Variants in CACNA1B observed in about 807,000 individuals in gnomAD.
The protein encoded by CACNA1B is calcium voltage-gated channel subunit alpha1 B.
Under a neutral mutation model 247.2 loss-of-function variants are expected in CACNA1B, and 70 were observed. The observed-to-expected ratio is 0.28, with a 90% CI of 0.23 to 0.35. CACNA1B has a LOEUF of 0.35. Ranked by LOEUF, CACNA1B falls within the 10% of genes least tolerant of loss-of-function variation. CACNA1B has a pLI of 1.00. For missense variants in CACNA1B, 2,367 were observed against 3,197.4 expected (o/e 0.74, Z 6.26); for synonymous variants, 1,231 against 1,294.4 (o/e 0.95, Z 1.05).
chr9:138,122,364 G>T lies in CACNA1B; in HGVS notation c.*365G>T, dbSNP rs919503888. ...CGTTGTGAGGAGCTCTGCGTCCTGTGGGGAGCACCCTTCACGTGGCCGTGC... is the reference window on the plus strand; with the variant it reads ...CGTTGTGAGGAGCTCTGCGTCCTGTTGGGAGCACCCTTCACGTGGCCGTGC... On this transcript the variant is annotated 3_prime_UTR_variant, in exon 47 of 47. Coordinates refer to ENST00000371372, the MANE Select transcript of CACNA1B (RefSeq NM_000718.4). The T allele has an allele frequency of 3.6e-6, 1 of 276,718 alleles. No individual in the cohort carries two copies. Among genetic ancestry groups the T allele is most frequent in the Non-Finnish European group, 6.8e-6 (1 of 146,110 alleles). The allele number at this position is 276,718 out of a possible 1,614,324, so 17.1% of individuals were successfully genotyped here. A position where few individuals can be genotyped will look rare whatever the true frequency, so the allele number is the denominator to read the frequency against.
intron 15 of CACNA1B, among the ~76,000 whole-genome samples, chr9:138,000,943 A>G (rs185738384): frequency 4.9e-4 from 75 of 152,274 alleles, no homozygotes; most frequent in African/African-American, 1.7e-3. Flanking sequence ...CAGTCTTGCT[A>G]TACAATTATC....
chr9:138,010,192 C>G lies in CACNA1B; in HGVS notation c.2160+115C>G. The G allele has an allele frequency of 1.3e-6, 1 of 756,880 alleles. No homozygotes were observed. Among genetic ancestry groups the G allele is most frequent in the Non-Finnish European group, 2.3e-6 (1 of 442,744 alleles). 46.9% of individuals were successfully genotyped at this position (756,880 alleles called of 1,614,324 possible). A position where few individuals can be genotyped will look rare whatever the true frequency, so the allele number is the denominator to read the frequency against. On this transcript the variant is annotated intron_variant, in intron 17 of 46. Coordinates refer to ENST00000371372, the MANE Select transcript of CACNA1B (RefSeq NM_000718.4). This position sits in a 1 kb window ranked among gnomAD's most constrained non-coding sequence, Gnocchi z 5.3. ...CGTGTCCAGGAGCGTTGCCTTGGGT[C>G]CTGGCGGGCAGAGGCTGGTCTGTCA...
Position 138,122,931 on chromosome 9 carries a change from AGC to A in CACNA1B, c.*933_*934del, listed in dbSNP as rs1242356532. 1 of 152,288 alleles carries A rather than the reference AGC, an allele frequency of 6.6e-6. No homozygotes were observed. The allele number at this position is 152,288 out of a possible 1,614,324, so 9.4% of individuals were successfully genotyped here. A position where few individuals can be genotyped will look rare whatever the true frequency, so the allele number is the denominator to read the frequency against. On this transcript the variant is annotated 3_prime_UTR_variant, in exon 47 of 47. Transcript: ENST00000371372. ...AAAGTACTCGCGATGGCAGCCAGGTAGCAAGCCCTTGCCAGTGGAGAGCACTG... is the reference window on the plus strand; with the variant it reads ...AAAGTACTCGCGATGGCAGCCAGGTAAAGCCCTTGCCAGTGGAGAGCACTG...
intron 12 of CACNA1B, among the ~76,000 whole-genome samples, chr9:137,976,290 G>C (rs1185950542): frequency 6.6e-6 from 1 of 152,258 alleles, no homozygotes; most frequent in African/African-American, 2.4e-5. Flanking sequence ...TTCATAATCA[G>C]CTGAAGGCTC....
intron 15 of CACNA1B, among the ~76,000 whole-genome samples, chr9:137,987,366 C>T (rs1178735170): frequency 6.6e-6 from 1 of 152,214 alleles, no homozygotes; most frequent in Non-Finnish European, 1.5e-5. Context: ...AGACTCTGCC[C>T]TCTTGGAGGG....
At chr9:138,003,173 C>G (rs1290981629) in intron 15 of CACNA1B, among the ~76,000 whole-genome samples, 3 of 148,154 alleles carry the variant, frequency 2.0e-5, no homozygotes, top group Admixed American at 6.7e-5. Flanking sequence ...GAGCAAGACC[C>G]CATCTCCAAA....
At chr9:137,879,969 G>C (rs1956894333) in intron 2 of CACNA1B, among the ~76,000 whole-genome samples, 1 of 152,228 alleles carries the variant, frequency 6.6e-6, no homozygotes, top group African/African-American at 2.4e-5. Context: ...CTCCAGGTGA[G>C]CAGAAGGCAG....
chr9:138,098,440 C>G (rs1197398592), intron 37 of CACNA1B, among the ~76,000 whole-genome samples: 3 of 151,758 alleles, frequency 2.0e-5, no homozygotes, highest in African/African-American at 7.3e-5. Context: ...TGTATTTTTT[C>G]TGGAGGAGAC....
chr9:138,096,717 G>A, intron 37 of CACNA1B, 106 bp downstream of exon 37: 1 of 1,199,222 alleles, frequency 8.3e-7, no homozygotes. Flanking sequence ...ACCCCCTCAG[G>A]TTTTGGTTTG....
At chr9:138,107,657 C>T (rs1247125752) in intron 39 of CACNA1B, among the ~76,000 whole-genome samples, 1 of 152,032 alleles carries the variant, frequency 6.6e-6, no homozygotes, top group African/African-American at 2.4e-5. Flanking sequence ...CTTCTGTCTG[C>T]CTTCAACACA....
rs895028834 is a variant in CACNA1B, at chr9:138,020,752, G to A, written c.2268-2259G>A. 2.2e-4 allele frequency among the ~76,000 whole-genome samples: 33 copies of A among 152,198 alleles called. No homozygotes were observed. The highest frequency in any genetic ancestry group is 1.5e-3 in the Admixed American group (23 of 15,286). On this transcript the variant is annotated intron_variant, in intron 18 of 46. Coordinates refer to ENST00000371372, the MANE Select transcript of CACNA1B (RefSeq NM_000718.4). This position sits in a 1 kb window ranked among gnomAD's most constrained non-coding sequence, Gnocchi z 4.1. Reference sequence around the variant, plus strand: ...CGGGGGAGCCTGCCAGCCTGACAGCGCCCTCAGCCCAGCAGACAGCCTGGC... The same window carrying A: ...CGGGGGAGCCTGCCAGCCTGACAGCACCCTCAGCCCAGCAGACAGCCTGGC...
At chr9:138,070,849 A>G (rs1051026464) in intron 32 of CACNA1B, among the ~76,000 whole-genome samples, 2 of 152,176 alleles carry the variant, frequency 1.3e-5, no homozygotes, top group African/African-American at 2.4e-5. Flanking sequence ...CCCGTCTTCA[A>G]TTGTCAGTCT....
At chr9:137,946,884 C>CG (rs981558968) in intron 6 of CACNA1B, among the ~76,000 whole-genome samples, 22 of 152,048 alleles carry the variant, frequency 1.4e-4, no homozygotes, top group Non-Finnish European at 2.8e-4. Context: ...AATACGTTAC[C>CG]GGGGGGGTCT....
intron 20 of CACNA1B, among the ~76,000 whole-genome samples, chr9:138,032,323 T>A (rs1958997174): frequency 6.6e-6 from 1 of 152,150 alleles, no homozygotes; most frequent in Non-Finnish European, 1.5e-5. Context: ...CCATTTGTAA[T>A]GTAATTGTCT....
At chr9:137,962,921 A>C (rs1265820071) in intron 10 of CACNA1B, among the ~76,000 whole-genome samples, 1 of 151,904 alleles carries the variant, frequency 6.6e-6, no homozygotes, top group Non-Finnish European at 1.5e-5. Flanking sequence ...GGTGAGTTCA[A>C]CTCCTGAATG....
chr9:137,907,575 G>A (rs147219301), intron 3 of CACNA1B, among the ~76,000 whole-genome samples: 1 of 152,228 alleles, frequency 6.6e-6, no homozygotes, highest in East Asian at 1.9e-4. Context: ...CAATCGTTTT[G>A]AGCATCTTCT....
rs1051482739 is a variant in CACNA1B at position 137,975,997 on chromosome 9, C to T, written c.1634C>T (p.Ser545Phe). ...GLGPRSYFRS[S>F]FNCFDFGVIV... ...GGGCCCAGAAGCTACTTCCGGTCCT[C>T]CTTCAACTGCTTCGACTTTGGGGTG... The change falls in exon 12 of 47, where the codon TCC (serine) becomes TTC (phenylalanine). Residue 545 changes from serine (S) to phenylalanine (F), a missense_variant. Physicochemically the swap from Ser to Phe is radical, Grantham distance 155. Transcript: ENST00000371372. 5.6e-6 allele frequency: 9 copies of T among 1,610,912 alleles called. No individual in the cohort carries two copies. The highest frequency in any genetic ancestry group is 6.8e-6 in the Non-Finnish European group (8 of 1,177,112).
chr9:138,108,711 C>T (rs1435526533), intron 39 of CACNA1B, among the ~76,000 whole-genome samples: 1 of 151,794 alleles, frequency 6.6e-6, no homozygotes, highest in Non-Finnish European at 1.5e-5. Flanking sequence ...TGCAGTGGCA[C>T]GATCTTGGCT....
chr9:138,091,179 T>C lies in CACNA1B; in HGVS notation c.5095-5305T>C, dbSNP rs73575866. ...GAATGGATTTTTAAAATATTTTCCT[T>C]ATACACAATGGAATACTATTTAGCC... On this transcript the variant is annotated intron_variant, in intron 36 of 46. Coordinates refer to ENST00000371372, the MANE Select transcript of CACNA1B (RefSeq NM_000718.4). Among the ~76,000 whole-genome samples, 924 of 152,300 alleles carry C rather than the reference T, an allele frequency of 6.1e-3. 14 individuals are homozygous for C. Among genetic ancestry groups the C allele is most frequent in the African/African-American group, 0.021 (888 of 41,572 alleles).
Sources: allele counts gnomAD v4.1 joint callset (sites outside exome capture counted in the v4.1 genomes callset), GRCh38; gene constraint gnomAD v4.1.1; non-coding constraint Gnocchi (gnomAD v3.1); transcripts MANE v1.5; gene names NCBI Gene and HGNC (gene_info 2026-07-23, HGNC 2026-07-21).